CNDP1: variants seen among roughly 807,000 people sequenced by gnomAD.
The protein encoded by CNDP1 is carnosine dipeptidase 1, also known as beta-Ala-His dipeptidase.
CNDP1 carries 44 observed loss-of-function variants against 58.1 expected under a neutral mutation model. The observed-to-expected ratio is 0.76, with a 90% CI of 0.60 to 0.97. The LOEUF is 0.97. Among genes scored for constraint, CNDP1 ranks in the 50% least tolerant of loss-of-function variants. The pLI, the probability that CNDP1 is intolerant of heterozygous loss-of-function variation, is 0.00. For missense variants in CNDP1, 616 were observed against 655.1 expected (o/e 0.94, Z 0.65); for synonymous variants, 254 against 252.6 (o/e 1.01, Z -0.05).
chr18:74,537,398 A>G (rs1219862665), intron 1 of CNDP1, among the ~76,000 whole-genome samples: 1 of 152,160 alleles, frequency 6.6e-6, no homozygotes, highest in African/African-American at 2.4e-5. Context: ...TTGAATAGGG[A>G]GTCCTTTTCC....
At chr18:74,583,745 T>C (rs1981846473) in intron 11 of CNDP1, 37 bp downstream of exon 11, 2 of 1,606,558 alleles carry the variant, frequency 1.2e-6, no homozygotes, top group Non-Finnish European at 1.7e-6. Context: ...TCTCTCTTCT[T>C]CCTTTACTGC....
In CNDP1 at chr18:74,534,682, C is replaced by G; in HGVS notation, c.15C>G (p.Leu5=). 6.2e-7 allele frequency: 1 copy of G among 1,614,080 alleles called. No homozygotes were observed. The highest frequency in any genetic ancestry group is 1.1e-5 in the South Asian group (1 of 91,078). Residue 5 remains leucine, a synonymous_variant, in exon 1 of 12, where the codon CTC becomes CTG. Transcript: ENST00000358821. MDPK[L]GRMAASLLAV... ...ACTCCAGCCTAATGGATCCCAAACT[C>G]GGGAGAATGGTGAGTAGGACCTCCT... is the stretch of plus-strand genomic sequence containing the variant.
intron 1 of CNDP1, among the ~76,000 whole-genome samples, chr18:74,548,362 T>A (rs1217381099): frequency 6.6e-6 from 1 of 152,182 alleles, no homozygotes; most frequent in African/African-American, 2.4e-5. Flanking sequence ...TGGTGCTTCC[T>A]GCTCTTGCTC....
chr18:74,580,053 C>T, intron 9 of CNDP1, 77 bp from the exon 10 acceptor site: 2 of 1,328,688 alleles, frequency 1.5e-6, no homozygotes, highest in Non-Finnish European at 2.1e-6. Flanking sequence ...TAATCAGTTT[C>T]TTGATGGAAG....
chr18:74,573,238 ATCTG>A (rs1981534189), intron 7 of CNDP1, among the ~76,000 whole-genome samples: 1 of 151,478 alleles, frequency 6.6e-6, no homozygotes, highest in Non-Finnish European at 1.5e-5. Flanking sequence ...CCATCCAACT[ATCTG>A]TCTATCCATC....
chr18:74,572,797 AAAAAAAAAAAAAAAG>A (rs1291177848), intron 7 of CNDP1, among the ~76,000 whole-genome samples: 7 of 141,930 alleles, frequency 4.9e-5, no homozygotes, highest in Admixed American at 3.6e-4. Flanking sequence ...TATCAAAAAA[AAAAAAAAAAAAAAAG>A]AAAGAAAGAA....
At chr18:74,583,931 C>T (rs546057209) in intron 11 of CNDP1, 58 of 528,358 alleles carry the variant, frequency 1.1e-4, no homozygotes, top group African/African-American at 2.7e-4. Flanking sequence ...TCTTCCTGGC[C>T]GTCCCTGCGA....
chr18:74,579,858 G>A (rs1376031631), intron 9 of CNDP1, among the ~76,000 whole-genome samples: 1 of 152,310 alleles, frequency 6.6e-6, no homozygotes, highest in South Asian at 2.1e-4. Flanking sequence ...GTGGGCCGGG[G>A]CCAGGAATGC....
At chr18:74,574,653 C>G (rs769669044) in intron 7 of CNDP1, 1 of 152,138 alleles carries the variant, frequency 6.6e-6, no homozygotes, top group Non-Finnish European at 1.5e-5. Context: ...GGAAAATGAA[C>G]AGGAGGGGAG....
At chr18:74,538,176 T>C (rs1980529595) in intron 1 of CNDP1, among the ~76,000 whole-genome samples, 2 of 152,356 alleles carry the variant, frequency 1.3e-5, no homozygotes, top group Admixed American at 1.3e-4. Context: ...ACCCTTTAGC[T>C]ATGACCCTCC....
Position 74,554,019 on chromosome 18 carries a change from T to C in CNDP1, c.25-2319T>C, listed in dbSNP as rs1011645549. Among the ~76,000 whole-genome samples, 6 of 152,210 alleles carry C rather than the reference T, an allele frequency of 3.9e-5. 1 individual carries two copies. Among genetic ancestry groups the C allele is most frequent in the African/African-American group, 1.4e-4 (6 of 41,456 alleles). Reference sequence around the variant, plus strand: ...CCACTGTGAGGCTCCCAGTCCCTGATGACAGCTGAGGAAATTCAGGCTCAG... The same window carrying C: ...CCACTGTGAGGCTCCCAGTCCCTGACGACAGCTGAGGAAATTCAGGCTCAG... On this transcript the variant is annotated intron_variant, in intron 1 of 11. Coordinates refer to ENST00000358821, the MANE Select transcript of CNDP1 (RefSeq NM_032649.6).
chr18:74,537,040 G>T (rs7230673), intron 1 of CNDP1, among the ~76,000 whole-genome samples: 24,760 of 152,086 alleles, frequency 0.16, 2,393 homozygotes, highest in African/African-American at 0.27. Flanking sequence ...ATTAGATCTT[G>T]GTCAGATGCA....
intron 1 of CNDP1, among the ~76,000 whole-genome samples, chr18:74,549,785 G>A (rs1296916348): frequency 1.3e-5 from 2 of 152,180 alleles, no homozygotes; most frequent in Non-Finnish European, 2.9e-5. Flanking sequence ...GGACTAAATG[G>A]TTCCATGGGC....
intron 1 of CNDP1, among the ~76,000 whole-genome samples, chr18:74,544,436 G>T (rs1471504313): frequency 2.0e-5 from 3 of 152,066 alleles, no homozygotes; most frequent in Non-Finnish European, 4.4e-5. Context: ...TGATAAGAAG[G>T]CCGGGCACGG....
chr18:74,565,734 G>T (rs1240689867), intron 5 of CNDP1, among the ~76,000 whole-genome samples: 1 of 152,204 alleles, frequency 6.6e-6, no homozygotes, highest in Non-Finnish European at 1.5e-5. Flanking sequence ...CTGGCATTGA[G>T]TGTCTGCGGT....
chr18:74,537,361 G>T (rs566209600), intron 1 of CNDP1, among the ~76,000 whole-genome samples: 1 of 152,236 alleles, frequency 6.6e-6, no homozygotes, highest in South Asian at 2.1e-4. Flanking sequence ...ATGGCTAATG[G>T]CTAGCCAGTT....
At chr18:74,568,040 A>G (rs954893389) in intron 6 of CNDP1, among the ~76,000 whole-genome samples, 8 of 152,198 alleles carry the variant, frequency 5.3e-5, no homozygotes, top group Admixed American at 4.6e-4. Flanking sequence ...GGTTTGACGC[A>G]TAATCAGTTT....
Position 74,559,423 on chromosome 18 carries a change from T to G in CNDP1, c.254T>G (p.Leu85Arg), listed in dbSNP as rs995228596. The G allele has an allele frequency of 1.5e-5, 24 of 1,612,870 alleles. No homozygotes were observed. The highest frequency in any genetic ancestry group is 1.9e-5 in the Non-Finnish European group (22 of 1,179,958). ...ATGATGGCCGTGGCTGCGGACACGC[T>G]GCAGCGCCTGGGGGCCCGTGTGGCC... ...FRMMAVAADT[L>R]QRLGARVASV... Residue 85 changes from leucine to arginine, a missense_variant, in exon 3 of 12, where the codon CTG becomes CGG. Coordinates refer to ENST00000358821, the MANE Select transcript of CNDP1 (RefSeq NM_032649.6).
chr18:74,571,177 ACT>A lies in CNDP1; in HGVS notation c.757-6_757-5del, dbSNP rs201503578. On this transcript the variant is annotated splice_region_variant and splice_polypyrimidine_tract_variant and intron_variant, in intron 6 of 11. Coordinates refer to ENST00000358821, the MANE Select transcript of CNDP1 (RefSeq NM_032649.6). The stretch of plus-strand genomic sequence containing the variant: ...GAAGTATATCTCTTACCTTTTATCT[ACT>A]CTGCAGGTGAAATGCAGAGACCAGG... 4,206 of 1,586,890 alleles carry A rather than the reference ACT, an allele frequency of 2.7e-3. 133 individuals carry two copies. The Admixed American group carries it at 0.06, about 23-fold the overall frequency.
Sources: gnomAD v4.1 joint callset for allele counts (sites outside exome capture counted in the v4.1 genomes callset) on GRCh38, gnomAD v4.1.1 for gene constraint, MANE v1.5 for transcripts, NCBI Gene and HGNC (gene_info 2026-07-23, HGNC 2026-07-21) for gene names.